Variants in DPYS observed in about 807,000 individuals in gnomAD.
DPYS encodes the protein dihydropyrimidine amidohydrolase.
In DPYS, 39 loss-of-function variants were observed where a neutral mutation model predicts 50.3. That is an observed-to-expected ratio of 0.78 (90% CI 0.60 to 1.01). The LOEUF (loss-of-function observed/expected upper bound fraction) is 1.01. Ranked by LOEUF, DPYS falls within the 50% of genes least tolerant of loss-of-function variation. DPYS has a pLI of 0.00. For missense variants in DPYS, 659 were observed against 680.9 expected, an observed-to-expected ratio of 0.97 and a Z score of 0.36; for synonymous variants, 245 against 250.7, an observed-to-expected ratio of 0.98 and a Z score of 0.22.
At chr8:104,452,239 C>A (rs887628372) in intron 1 of DPYS, among the ~76,000 whole-genome samples, 1 of 152,158 alleles carries the variant, frequency 6.6e-6, no homozygotes, top group African/African-American at 2.4e-5. Context: ...AAATCACATG[C>A]CTTTGACTAA....
intron 7 of DPYS, among the ~76,000 whole-genome samples, chr8:104,413,637 C>T (rs1173744541): frequency 6.6e-6 from 1 of 152,052 alleles, no homozygotes; most frequent in Non-Finnish European, 1.5e-5. Context: ...TCAGAGAAGA[C>T]CCAATATAAG....
chr8:104,390,317 CTGAG>C (rs1213985115), intron 8 of DPYS, among the ~76,000 whole-genome samples: 2 of 152,150 alleles, frequency 1.3e-5, no homozygotes, highest in Non-Finnish European at 2.9e-5. Flanking sequence ...AAAACAAACG[CTGAG>C]TAACTTATCC....
chr8:104,436,119 A>C (rs1479540127), intron 4 of DPYS, among the ~76,000 whole-genome samples: 1 of 152,178 alleles, frequency 6.6e-6, no homozygotes. Flanking sequence ...GAAGCTGTCC[A>C]GTGACTATGC....
Position 104,444,339 on chromosome 8 carries a change from G to T in DPYS, c.702C>A (p.Ile234=). The change falls in exon 4 of 10, where the codon ATC becomes ATA. Residue 234 remains isoleucine (I), a synonymous_variant. Coordinates refer to ENST00000351513, the MANE Select transcript of DPYS (RefSeq NM_001385.3). Reference sequence around the variant, plus strand: ...GACAGTTCACAGCGCTGGCTATGGTGATGGCTCTCAGCGTGGCCTCTGCCT... The same window carrying T: ...GACAGTTCACAGCGCTGGCTATGGTTATGGCTCTCAGCGTGGCCTCTGCCT... ...AVEAEATLRA[I]TIASAVNCPL... is the part of the protein sequence containing the mutation. 1 of 1,614,258 alleles carries T rather than the reference G, an allele frequency of 6.2e-7. No homozygotes were observed.
intron 6 of DPYS, 70 bp from the exon 7 acceptor site, chr8:104,424,459 G>T: frequency 6.6e-7 from 1 of 1,514,236 alleles, no homozygotes; most frequent in Non-Finnish European, 9.0e-7. Context: ...AAAATGACAA[G>T]ACTTGCATCT....
chr8:104,451,331 G>C lies in DPYS; in HGVS notation c.338C>G (p.Ala113Gly), dbSNP rs372587190. 5 of 1,614,068 alleles carry C rather than the reference G, an allele frequency of 3.1e-6. No homozygotes were observed. Among genetic ancestry groups the C allele is most frequent in the Non-Finnish European group, 4.2e-6 (5 of 1,180,018 alleles). ...IPQKGGSLIE[A>G]FETWRSWADP... is the part of the protein sequence containing the mutation. The stretch of plus-strand genomic sequence containing the variant: ...AGCCCAGCTTCGCCAGGTCTCGAAG[G>C]CCTCAATGAGGGAGCCACCTTTCTG... The change falls in exon 2 of 10, where the codon GCC becomes GGC. Residue 113 changes from alanine (A) to glycine (G), a missense_variant. By Grantham distance (60) the Ala-to-Gly change is moderately conservative. Coordinates refer to ENST00000351513, the MANE Select transcript of DPYS (RefSeq NM_001385.3).
At chr8:104,428,152 G>A in intron 5 of DPYS, 31 bp from the exon 6 acceptor site, 1 of 1,613,872 alleles carries the variant, frequency 6.2e-7, no homozygotes, top group Non-Finnish European at 8.5e-7. Context: ...GAGTGATGGG[G>A]TGAGTATACA....
chr8:104,424,088 C>T lies in DPYS; in HGVS notation c.1235+159G>A, dbSNP rs763878661. On this transcript the variant is annotated intron_variant, in intron 7 of 9. Transcript: ENST00000351513. ...CAAGAAAAACAAAGGAATATTTGCA[C>T]ATCAAAACCTTTATCTTGTGTACAG... is the stretch of plus-strand genomic sequence containing the variant. 81 of 978,000 alleles carry T rather than the reference C, an allele frequency of 8.3e-5. 1 individual carries two copies. Among genetic ancestry groups the T allele is most frequent in the Non-Finnish European group, 9.0e-5 (74 of 823,232 alleles). 60.6% of individuals were successfully genotyped at this position (978,000 alleles called of 1,614,324 possible). A position where few individuals can be genotyped will look rare whatever the true frequency, so the allele number is the denominator to read the frequency against.
chr8:104,392,919 C>T lies in DPYS; in HGVS notation c.1308G>A (p.Val436=), dbSNP rs1263355793. Residue 436 remains valine, a synonymous_variant, in exon 8 of 10, where the codon GTG becomes GTA. Coordinates refer to ENST00000351513, the MANE Select transcript of DPYS (RefSeq NM_001385.3). ...TGCCTCTTGAAATAGTCACAAGGGG[C>T]ACCCCGTGGCAAACCATGCCCTCGA... is the stretch of plus-strand genomic sequence containing the variant. The part of the protein sequence containing the change: ...NIFEGMVCHG[V]PLVTISRGKV... 1.2e-6 allele frequency: 2 copies of T among 1,614,224 alleles called. No homozygotes were observed. The highest frequency in any genetic ancestry group is 8.5e-7 in the Non-Finnish European group (1 of 1,180,040).
intron 4 of DPYS, among the ~76,000 whole-genome samples, chr8:104,435,302 A>T (rs1346209881): frequency 6.6e-6 from 1 of 152,104 alleles, no homozygotes; most frequent in African/African-American, 2.4e-5. Flanking sequence ...CACAATGACA[A>T]CTTGTTTGTT....
intron 1 of DPYS, among the ~76,000 whole-genome samples, chr8:104,458,389 G>A (rs1373623331): frequency 1.3e-5 from 2 of 152,110 alleles, no homozygotes; most frequent in African/African-American, 4.8e-5. Context: ...TAGGAGACCT[G>A]AGCACTTTCC....
At position 104,414,254 on chromosome 8, in the gene DPYS, G is replaced by A. The variant is rs143591473; in HGVS notation, c.1235+9993C>T. On this transcript the variant is annotated intron_variant, in intron 7 of 9. Coordinates refer to ENST00000351513, the MANE Select transcript of DPYS (RefSeq NM_001385.3). ...GGTATAGAGAACTCCATTTGGGGGC[G>A]CTAATTGGACTTTTTTAGTTCCAAA... is the stretch of plus-strand genomic sequence containing the variant. Among the ~76,000 whole-genome samples, 51 of 152,274 alleles carry A rather than the reference G, an allele frequency of 3.3e-4. No homozygotes were observed. The East Asian group carries it at 7.7e-3, about 23-fold the overall frequency.
intron 1 of DPYS, among the ~76,000 whole-genome samples, chr8:104,458,002 G>A (rs957969329): frequency 4.6e-5 from 7 of 152,040 alleles, no homozygotes; most frequent in African/African-American, 7.2e-5. Flanking sequence ...TGCCACCTTC[G>A]TCTTCCCACT....
intron 8 of DPYS, among the ~76,000 whole-genome samples, chr8:104,381,693 A>G (rs891482935): frequency 6.6e-6 from 1 of 152,158 alleles, no homozygotes; most frequent in Non-Finnish European, 1.5e-5. Context: ...CTCTCAGAGC[A>G]GTTGCTTCAG....
rs1243600413 is a variant in DPYS at position 104,387,194 on chromosome 8, TG to T, written c.1443+5589del. The stretch of plus-strand genomic sequence containing the variant: ...GCTACCCAGGGCTCTGTGAATCACT[TG>T]TACATGAGAAAGCCCTAGGTGCAAC... On this transcript the variant is annotated intron_variant, in intron 8 of 9. Coordinates refer to ENST00000351513, the MANE Select transcript of DPYS (RefSeq NM_001385.3). Among the ~76,000 whole-genome samples the T allele has an allele frequency of 2.0e-5, 3 of 152,144 alleles. No individual in the cohort carries two copies. In the East Asian group the frequency reaches 5.8e-4, roughly 29 times the overall value.
At chr8:104,457,817 T>C (rs1813981398) in intron 1 of DPYS, among the ~76,000 whole-genome samples, 1 of 152,108 alleles carries the variant, frequency 6.6e-6, no homozygotes, top group East Asian at 1.9e-4. Flanking sequence ...CTCCCTAAGT[T>C]TGGAATATTA....
chr8:104,420,363 T>A (rs1279933316), intron 7 of DPYS: 11 of 152,182 alleles, frequency 7.2e-5, no homozygotes, highest in Admixed American at 7.2e-4. Flanking sequence ...AGAAAGCTGG[T>A]GCTGTGATCG....
At chr8:104,462,481 T>C (rs2140777884) in intron 1 of DPYS, among the ~76,000 whole-genome samples, 1 of 152,340 alleles carries the variant, frequency 6.6e-6, no homozygotes, top group South Asian at 2.1e-4. Flanking sequence ...AAGCAAAGTG[T>C]AATTTCCCTT....
At chr8:104,381,500 T>G (rs2140496668) in intron 8 of DPYS, 186 bp from the exon 9 acceptor site, 1 of 590,442 alleles carries the variant, frequency 1.7e-6, no homozygotes, top group East Asian at 3.3e-5. Flanking sequence ...TGTCCCACTT[T>G]TTGTGGGTAT....
Sources: gnomAD v4.1 joint callset for allele counts (sites outside exome capture counted in the v4.1 genomes callset) on GRCh38, gnomAD v4.1.1 for gene constraint, MANE v1.5 for transcripts, NCBI Gene and HGNC (gene_info 2026-07-23, HGNC 2026-07-21) for gene names.